PCDHGB7: variants seen among roughly 807,000 people sequenced by gnomAD.
The protein encoded by PCDHGB7 is protocadherin gamma-B7.
Under a neutral mutation model 61.4 loss-of-function variants are expected in PCDHGB7, and 37 were observed. That is an observed-to-expected ratio of 0.60 (90% CI 0.46 to 0.79). The LOEUF is 0.79. PCDHGB7 is among the 30% of genes least tolerant of loss of function. The pLI is 0.00. For synonymous variants in PCDHGB7, 464 were observed against 503.5 expected (o/e 0.92, Z 1.05); for missense variants, 1,166 against 1,202.5 (o/e 0.97, Z 0.45).
At position 141,431,245 on chromosome 5, in the gene PCDHGB7, C is replaced by T; in HGVS notation, c.2415+10971C>T. The T allele has an allele frequency of 1.2e-6, 2 of 1,614,134 alleles. No individual in the cohort carries two copies. The highest frequency in any genetic ancestry group is 1.7e-6 in the Non-Finnish European group (2 of 1,180,038). ...TACCCCACGCCTGGGATCCGGATATCGGGAAGAACTCTCTGCAGAGCTACG... is the reference window on the plus strand; with the variant it reads ...TACCCCACGCCTGGGATCCGGATATTGGGAAGAACTCTCTGCAGAGCTACG... On this transcript the variant is annotated intron_variant, in intron 1 of 3. Transcript: ENST00000398594. This position sits in a 1 kb window ranked among gnomAD's most constrained non-coding sequence, Gnocchi z 4.8.
At position 141,485,892 on chromosome 5, in the gene PCDHGB7, C is replaced by T; in HGVS notation, c.2416-8915C>T. On this transcript the variant is annotated intron_variant, in intron 1 of 3. Coordinates refer to ENST00000398594, the MANE Select transcript of PCDHGB7 (RefSeq NM_018927.4). The surrounding 1 kb of genome is among the most constrained non-coding windows in gnomAD (Gnocchi z 5.7). ...GTGCTGGACGTAAACGACAACGCCC[C>T]AGCCTTCCAGCAATCCAGCTACAGG... is the stretch of plus-strand genomic sequence containing the variant. 6.2e-7 allele frequency: 1 copy of T among 1,614,194 alleles called. No individual in the cohort carries two copies.
Position 141,431,605 on chromosome 5 carries a change from G to A in PCDHGB7, c.2415+11331G>A. ...ATGCGGAAGTGAGGTATTCCTTCCGGTATGTGGACGACAAGGCGGCCCAAG... is the reference window on the plus strand; with the variant it reads ...ATGCGGAAGTGAGGTATTCCTTCCGATATGTGGACGACAAGGCGGCCCAAG... On this transcript the variant is annotated intron_variant, in intron 1 of 3. Transcript: ENST00000398594. This position sits in a 1 kb window ranked among gnomAD's most constrained non-coding sequence, Gnocchi z 4.8. 2 of 1,614,236 alleles carry A rather than the reference G, an allele frequency of 1.2e-6. No individual in the cohort carries two copies. The highest frequency in any genetic ancestry group is 1.7e-6 in the Non-Finnish European group (2 of 1,180,044).
chr5:141,486,504 A>G lies in PCDHGB7; in HGVS notation c.2416-8303A>G. ...AGTACCCACAGAACTATTTTCCTCA[A>G]TATTTCAGATGTGAATGATAATCCA... On this transcript the variant is annotated intron_variant, in intron 1 of 3. Transcript: ENST00000398594. The surrounding 1 kb of genome is among the most constrained non-coding windows in gnomAD (Gnocchi z 5.0). 7.4e-6 allele frequency: 12 copies of G among 1,614,100 alleles called. No individual in the cohort carries two copies. Among genetic ancestry groups the G allele is most frequent in the Non-Finnish European group, 1.0e-5 (12 of 1,179,986 alleles).
In PCDHGB7 at chr5:141,491,419, G is replaced by A. The variant is rs1422517367; in HGVS notation, c.2416-3388G>A. On this transcript the variant is annotated intron_variant, in intron 1 of 3. Coordinates refer to ENST00000398594, the MANE Select transcript of PCDHGB7 (RefSeq NM_018927.4). This position sits in a 1 kb window ranked among gnomAD's most constrained non-coding sequence, Gnocchi z 6.9. ...GGGAAACGCAGACGGGGACGGGGGT[G>A]GAGGGCAGTGCTGCAGGCGCCAGGA... 1 of 1,614,124 alleles carries A rather than the reference G, an allele frequency of 6.2e-7. No individual in the cohort carries two copies.
chr5:141,426,394 A>G (rs1353766048), intron 1 of PCDHGB7: 1 of 258,122 alleles, frequency 3.9e-6, no homozygotes, highest in African/African-American at 2.2e-5. Flanking sequence ...CCGCTACTCT[A>G]TTCCAGAAGA....
At chr5:141,423,107 T>G (rs1590430250) in intron 1 of PCDHGB7, 1 of 1,613,696 alleles carries the variant, frequency 6.2e-7, no homozygotes, top group East Asian at 2.2e-5. Flanking sequence ...ACGGGCGAGG[T>G]GCGTACAGCG....
intron 3 of PCDHGB7, among the ~76,000 whole-genome samples, chr5:141,505,875 T>C (rs991981462): frequency 2.6e-4 from 40 of 152,140 alleles, no homozygotes; most frequent in African/African-American, 9.2e-4. Flanking sequence ...AAAGGGTTGT[T>C]GTAGAGATTA....
chr5:141,489,013 C>T lies in PCDHGB7; in HGVS notation c.2416-5794C>T, dbSNP rs533320646. ...AGGTGGGAGATCTGCTCTTCCAGCC[C>T]GCCTCTCCTCCTCCAGCTCCCCAGC... On this transcript the variant is annotated intron_variant, in intron 1 of 3. Coordinates refer to ENST00000398594, the MANE Select transcript of PCDHGB7 (RefSeq NM_018927.4). The surrounding 1 kb of genome is among the most constrained non-coding windows in gnomAD (Gnocchi z 4.5). 4.6e-5 allele frequency: 20 copies of T among 438,612 alleles called. No homozygotes were observed. Among genetic ancestry groups the T allele is most frequent in the East Asian group, 2.7e-4 (8 of 29,802 alleles). The allele number at this position is 438,612 out of a possible 1,614,324, so 27.2% of individuals were successfully genotyped here.
At chr5:141,483,812 A>C (rs1188806533) in intron 1 of PCDHGB7, among the ~76,000 whole-genome samples, 2 of 152,162 alleles carry the variant, frequency 1.3e-5, no homozygotes, top group Non-Finnish European at 2.9e-5. Context: ...TTTTTTTGGC[A>C]GCCAGTGTAA....
At chr5:141,478,665 A>G (rs749063178) in intron 1 of PCDHGB7, 88 of 1,551,690 alleles carry the variant, frequency 5.7e-5, no homozygotes, top group Non-Finnish European at 3.7e-5. Flanking sequence ...ATGCATTCAC[A>G]CTTTCAACTG....
intron 1 of PCDHGB7, among the ~76,000 whole-genome samples, chr5:141,459,812 A>G (rs1390780491): frequency 1.3e-5 from 2 of 152,232 alleles, no homozygotes; most frequent in South Asian, 2.1e-4. Context: ...GACTAGAGAC[A>G]CTGAGCAACT....
Position 141,491,757 on chromosome 5 carries a change from C to G in PCDHGB7, c.2416-3050C>G. ...CTGGGGGCGGCACTGGAGAAGCCGC[C>G]CGTCCTCATAAGGGATTGAACTTGC... On this transcript the variant is annotated intron_variant, in intron 1 of 3. Coordinates refer to ENST00000398594, the MANE Select transcript of PCDHGB7 (RefSeq NM_018927.4). This position sits in a 1 kb window ranked among gnomAD's most constrained non-coding sequence, Gnocchi z 6.9. 1 of 1,580,374 alleles carries G rather than the reference C, an allele frequency of 6.3e-7. No individual in the cohort carries two copies. The highest frequency in any genetic ancestry group is 1.9e-5 in the Admixed American group (1 of 53,534).
chr5:141,492,962 C>T (rs1197532146), intron 1 of PCDHGB7, among the ~76,000 whole-genome samples: 2 of 152,258 alleles, frequency 1.3e-5, no homozygotes, highest in Non-Finnish European at 2.9e-5. Context: ...CTATCTGACA[C>T]TCTAACAAGT....
chr5:141,480,578 A>G (rs1343189182), intron 1 of PCDHGB7, among the ~76,000 whole-genome samples: 1 of 133,254 alleles, frequency 7.5e-6, no homozygotes, highest in Admixed American at 7.4e-5. Context: ...GCAAGAAATA[A>G]CTGCCGCTCT....
chr5:141,492,501 G>A (rs551410616), intron 1 of PCDHGB7, among the ~76,000 whole-genome samples: 8 of 152,302 alleles, frequency 5.3e-5, no homozygotes, highest in East Asian at 1.9e-4. Flanking sequence ...CGAGGACTCC[G>A]GAGCCTCCTC....
Position 141,418,996 on chromosome 5 carries a change from TG to T in PCDHGB7, c.1141del (p.Glu381LysfsTer6), listed in dbSNP as rs745777250. On this transcript the variant is annotated frameshift_variant, in exon 1 of 4. Coordinates refer to ENST00000398594, the MANE Select transcript of PCDHGB7 (RefSeq NM_018927.4). LOFTEE classifies it high-confidence loss of function. Reference sequence around the variant, plus strand: ...CACGGGACCAAGACTCAGGGGAAAATGGGGAAGTCAGGTGTAGCTTAAGTAG... The same window carrying T: ...CACGGGACCAAGACTCAGGGGAAAATGGGAAGTCAGGTGTAGCTTAAGTAG... Reference protein sequence around the residue: ...KTRDQDSGENGEVRCSLSRGV... With the variant: ...KTRDQDSGENXEVRCSLSRGV... 8.1e-6 allele frequency: 13 copies of T among 1,613,756 alleles called. No individual in the cohort carries two copies. Among genetic ancestry groups the T allele is most frequent in the Non-Finnish European group, 1.1e-5 (13 of 1,179,838 alleles).
In PCDHGB7 at chr5:141,432,725, G is replaced by T; in HGVS notation, c.2415+12451G>T. The T allele has an allele frequency of 6.2e-7, 1 of 1,614,014 alleles. No individual in the cohort carries two copies. On this transcript the variant is annotated intron_variant, in intron 1 of 3. Coordinates refer to ENST00000398594, the MANE Select transcript of PCDHGB7 (RefSeq NM_018927.4). The surrounding 1 kb of genome is among the most constrained non-coding windows in gnomAD (Gnocchi z 6.0). ...GGACCACGGCCAGCCCCCTCTCTCC[G>T]CCACTGTCACGCTCACCGTGGCCGT...
chr5:141,500,430 C>T (rs2099800127), intron 2 of PCDHGB7, among the ~76,000 whole-genome samples: 1 of 151,676 alleles, frequency 6.6e-6, no homozygotes, highest in African/African-American at 2.4e-5. Context: ...AGGATGGTCT[C>T]GATCTCCTGA....
At position 141,512,881 on chromosome 5, in the gene PCDHGB7, C is replaced by T. The variant is rs1274589284; in HGVS notation, c.*1708C>T. 1.3e-5 allele frequency: 2 copies of T among 152,268 alleles called. No homozygotes were observed. Among genetic ancestry groups the T allele is most frequent in the African/African-American group, 4.8e-5 (2 of 41,458 alleles). 9.4% of individuals were successfully genotyped at this position (152,268 alleles called of 1,614,324 possible). On this transcript the variant is annotated 3_prime_UTR_variant, in exon 4 of 4. Coordinates refer to ENST00000398594, the MANE Select transcript of PCDHGB7 (RefSeq NM_018927.4). Reference sequence around the variant, plus strand: ...TCGCATAGTCACGTAGCTCCCACCCCACCCTCTTCCTGTGTCTCACGCAAG... The same window carrying T: ...TCGCATAGTCACGTAGCTCCCACCCTACCCTCTTCCTGTGTCTCACGCAAG...
Sources: gnomAD v4.1 joint callset for allele counts (sites outside exome capture counted in the v4.1 genomes callset) on GRCh38, gnomAD v4.1.1 for gene constraint, Gnocchi (gnomAD v3.1) non-coding constraint, MANE v1.5 for transcripts, NCBI Gene and HGNC (gene_info 2026-07-23, HGNC 2026-07-21) for gene names.